LPP: variants seen among roughly 807,000 people sequenced by gnomAD.
LPP encodes the protein lipoma-preferred partner.
A neutral mutation model predicts 60.4 loss-of-function variants in LPP; 38 were observed. The observed-to-expected ratio is 0.63, with a 90% confidence interval of 0.49 to 0.83. LPP has a LOEUF of 0.83. Ranked by LOEUF, LPP falls within the 40% of genes least tolerant of loss-of-function variation. The pLI is 0.00. For synonymous variants in LPP, 328 were observed against 290.8 expected (o/e 1.13, Z -1.30); for missense variants, 902 against 783.6 (o/e 1.15, Z -1.80).
chr3:188,429,643 A>G (rs78202520), intron 4 of LPP, among the ~76,000 whole-genome samples: 1,602 of 152,302 alleles, frequency 0.011, 31 homozygotes, highest in African/African-American at 0.036. Flanking sequence ...AAGCCAATTC[A>G]TCTTGCTTAT....
intron 6 of LPP, among the ~76,000 whole-genome samples, chr3:188,555,177 G>T (rs368853926): frequency 7.2e-5 from 11 of 152,188 alleles, no homozygotes; most frequent in African/African-American, 2.6e-4. Context: ...CTGGCATCTG[G>T]CATTTTTAAG....
intron 6 of LPP, among the ~76,000 whole-genome samples, chr3:188,528,042 C>G (rs1043031325): frequency 6.6e-6 from 1 of 152,092 alleles, no homozygotes; most frequent in African/African-American, 2.4e-5. Context: ...AAGTGTTTGT[C>G]AGGGAGTAGT....
intron 3 of LPP, among the ~76,000 whole-genome samples, chr3:188,342,801 A>G (rs948631783): frequency 2.6e-5 from 4 of 152,042 alleles, no homozygotes; most frequent in African/African-American, 9.7e-5. Context: ...AGCTAATATC[A>G]TATATATATA....
In LPP at chr3:188,357,993, G is replaced by A. The variant is rs73055527; in HGVS notation, c.-10+16274G>A. 3.3e-3 allele frequency among the ~76,000 whole-genome samples: 500 copies of A among 152,140 alleles called. 2 individuals carry two copies. Among genetic ancestry groups the A allele is most frequent in the African/African-American group, 0.012 (479 of 41,480 alleles). ...ACATTATGAATGGATGAGCAATTTT[G>A]AAAGATTGACATATTGAAGGAAAAA... is the stretch of plus-strand genomic sequence containing the variant. On this transcript the variant is annotated intron_variant, in intron 3 of 11. Coordinates refer to ENST00000617246, the MANE Select transcript of LPP (RefSeq NM_001375462.1).
At chr3:188,717,805 G>A (rs563763386) in intron 8 of LPP, among the ~76,000 whole-genome samples, 2 of 151,994 alleles carry the variant, frequency 1.3e-5, no homozygotes, top group African/African-American at 4.8e-5. Context: ...TTATTAATTT[G>A]GCTAGTGTGT....
At chr3:188,605,424 C>G (rs1842201046) in intron 6 of LPP, among the ~76,000 whole-genome samples, 1 of 152,028 alleles carries the variant, frequency 6.6e-6, no homozygotes, top group South Asian at 2.1e-4. Context: ...ATGAGAAAAC[C>G]AAATGAAAAG....
chr3:188,422,110 G>T, intron 4 of LPP, among the ~76,000 whole-genome samples: 1 of 152,150 alleles, frequency 6.6e-6, no homozygotes, highest in Non-Finnish European at 1.5e-5. Context: ...ACCAATGCAC[G>T]TACCTTTCTC....
At chr3:188,157,331 G>A (rs1716797843) in intron 1 of LPP, among the ~76,000 whole-genome samples, 1 of 152,032 alleles carries the variant, frequency 6.6e-6, no homozygotes, top group Non-Finnish European at 1.5e-5. Context: ...CAGAACTTTT[G>A]CTTCTTGGTG....
intron 7 of LPP, among the ~76,000 whole-genome samples, chr3:188,670,084 C>T (rs1323521769): frequency 6.6e-6 from 1 of 152,072 alleles, no homozygotes; most frequent in Non-Finnish European, 1.5e-5. Context: ...TGAGGAACTT[C>T]ACACACCAGG....
At chr3:188,499,555 T>C (rs1051138756) in intron 5 of LPP, among the ~76,000 whole-genome samples, 1 of 152,320 alleles carries the variant, frequency 6.6e-6, no homozygotes, top group East Asian at 1.9e-4. Context: ...TCCTCCACCT[T>C]TGTTCCTTTT....
chr3:188,531,847 A>AGG (rs1280340061), intron 6 of LPP, among the ~76,000 whole-genome samples: 4 of 152,188 alleles, frequency 2.6e-5, no homozygotes, highest in South Asian at 2.1e-4. Context: ...AAACTTGGGA[A>AGG]GGGGATAATG....
chr3:188,724,588 T>C (rs557502022), intron 8 of LPP, among the ~76,000 whole-genome samples: 108 of 152,312 alleles, frequency 7.1e-4, no homozygotes, highest in Non-Finnish European at 1.3e-3. Context: ...TTAGTCCAGA[T>C]AACAAAAGGC....
At chr3:188,377,657 T>A (rs577372119) in intron 3 of LPP, among the ~76,000 whole-genome samples, 10 of 152,332 alleles carry the variant, frequency 6.6e-5, no homozygotes, top group African/African-American at 2.4e-4. Context: ...TTGAATTTCC[T>A]CCTGTAGCTT....
At chr3:188,473,307 T>C (rs1266164545) in intron 4 of LPP, among the ~76,000 whole-genome samples, 2 of 152,138 alleles carry the variant, frequency 1.3e-5, no homozygotes, top group Non-Finnish European at 2.9e-5. Context: ...ATAAACCTTA[T>C]TTAGATTTCA....
chr3:188,249,653 T>C (rs1224165824), intron 2 of LPP, among the ~76,000 whole-genome samples: 1 of 152,036 alleles, frequency 6.6e-6, no homozygotes, highest in African/African-American at 2.4e-5. Context: ...CTCTTTCTGA[T>C]GGTTTTTTTC....
At chr3:188,252,071 T>TACAC (rs769104961) in intron 2 of LPP, among the ~76,000 whole-genome samples, 61 of 93,856 alleles carry the variant, frequency 6.5e-4, no homozygotes, top group African/African-American at 3.0e-3. Flanking sequence ...TATATATATA[T>TACAC]ATATACACAC....
In LPP at chr3:188,767,005, C is replaced by A. The variant is rs116149933; in HGVS notation, c.1410+6723C>A. On this transcript the variant is annotated intron_variant, in intron 9 of 11. Transcript: ENST00000617246. ...ATCAAACTTTGCCTTCTATACAGTC[C>A]GTTTTAAATATTCTTGAACCACTGA... Among the ~76,000 whole-genome samples, 104 of 152,178 alleles carry A rather than the reference C, an allele frequency of 6.8e-4. 1 individual carries two copies. The highest frequency in any genetic ancestry group is 2.4e-3 in the African/African-American group (98 of 41,538).
chr3:188,650,680 A>G (rs1455153961), intron 7 of LPP, among the ~76,000 whole-genome samples: 2 of 152,196 alleles, frequency 1.3e-5, no homozygotes, highest in African/African-American at 4.8e-5. Context: ...TGGTTGGCAG[A>G]GCAATAGGGC....
chr3:188,330,149 T>C (rs910574104), intron 2 of LPP, among the ~76,000 whole-genome samples: 6 of 152,198 alleles, frequency 3.9e-5, no homozygotes, highest in Non-Finnish European at 8.8e-5. Context: ...CTTGTTTTCT[T>C]CACTAAACAG....
Sources: allele counts gnomAD v4.1 joint callset (sites outside exome capture counted in the v4.1 genomes callset), GRCh38; gene constraint gnomAD v4.1.1; transcripts MANE v1.5; gene names NCBI Gene and HGNC (gene_info 2026-07-23, HGNC 2026-07-21).